Variants in BEND4 observed in about 807,000 individuals in gnomAD.
BEND4 encodes the protein BEN domain-containing protein 4.
Under a neutral mutation model 54.7 loss-of-function variants are expected in BEND4, and 27 were observed. The observed-to-expected ratio is 0.49, with a 90% CI of 0.36 to 0.68. The LOEUF is 0.68. Among genes scored for constraint, BEND4 ranks in the 30% least tolerant of loss-of-function variants. BEND4 has a pLI of 0.00. For synonymous variants in BEND4, 327 were observed against 299.5 expected (o/e 1.09, Z -0.95); for missense variants, 702 against 697.2 (o/e 1.01, Z -0.08).
intron 3 of BEND4, 47 bp from the exon 4 acceptor site, chr4:42,125,721 A>C: frequency 5.6e-6 from 7 of 1,242,918 alleles, no homozygotes; most frequent in Non-Finnish European, 7.9e-6. Flanking sequence ...ATCCCGTAAC[A>C]TGAAAATAAA....
intron 4 of BEND4, 131 bp downstream of exon 4, chr4:42,125,452 A>G: frequency 1.5e-6 from 1 of 664,910 alleles, no homozygotes; most frequent in Non-Finnish European, 2.7e-6. Flanking sequence ...ACATACTTAC[A>G]GGCAACAGAC....
At chr4:42,129,888 A>G (rs991902009) in intron 3 of BEND4, among the ~76,000 whole-genome samples, 4 of 152,246 alleles carry the variant, frequency 2.6e-5, no homozygotes, top group Admixed American at 6.5e-5. Flanking sequence ...TTGCCACAAA[A>G]GCAAAAATTG....
chr4:42,136,206 T>G (rs900388979), intron 3 of BEND4, among the ~76,000 whole-genome samples: 3 of 152,066 alleles, frequency 2.0e-5, no homozygotes, highest in Non-Finnish European at 4.4e-5. Context: ...ATTTTCAAGT[T>G]TGGAGGTTGG....
At chr4:42,144,891 T>C (rs1241550105) in intron 2 of BEND4, among the ~76,000 whole-genome samples, 1 of 152,154 alleles carries the variant, frequency 6.6e-6, no homozygotes, top group Admixed American at 6.5e-5. Flanking sequence ...ACCCCAAATA[T>C]AAATGTCACA....
At chr4:42,119,601 A>C (rs999224896) in intron 5 of BEND4, among the ~76,000 whole-genome samples, 4 of 152,116 alleles carry the variant, frequency 2.6e-5, no homozygotes, top group Admixed American at 6.6e-5. Context: ...GTATTTTAGC[A>C]TTAAGGAGAA....
chr4:42,134,007 CTTCA>C (rs1720603280), intron 3 of BEND4, among the ~76,000 whole-genome samples: 1 of 152,170 alleles, frequency 6.6e-6, no homozygotes, highest in Non-Finnish European at 1.5e-5. Flanking sequence ...CTAGTGAATT[CTTCA>C]TTGAGGCCAC....
intron 2 of BEND4, 79 bp from the exon 3 acceptor site, chr4:42,144,073 C>T (rs1213261500): frequency 3.1e-6 from 3 of 976,762 alleles, no homozygotes; most frequent in Non-Finnish European, 3.2e-6. Flanking sequence ...TTCAGCTTAA[C>T]ATTCAAACAT....
chr4:42,134,561 C>T (rs1577758405), intron 3 of BEND4, among the ~76,000 whole-genome samples: 1 of 152,226 alleles, frequency 6.6e-6, no homozygotes. Context: ...AGAGGGGACA[C>T]AAAGATGACT....
intron 5 of BEND4, among the ~76,000 whole-genome samples, chr4:42,118,591 G>C (rs927141660): frequency 2.0e-5 from 3 of 152,168 alleles, no homozygotes; most frequent in African/African-American, 7.2e-5. Flanking sequence ...AGTTCTCTGG[G>C]ATGTATTTTA....
Position 42,143,819 on chromosome 4 carries a change from G to T in BEND4, c.663C>A (p.Val221=). ...CTACATTGTCTGAGGTCTGACTGTG[G>T]ACCCCTTTCCCAATGTGACAGTGCT... The part of the protein sequence containing the change: ...RQEHCHIGKG[V]HSQTSDNVDI... The change falls in exon 3 of 6, where the codon GTC becomes GTA. Residue 221 remains valine (V), a synonymous_variant. Coordinates refer to ENST00000502486, the MANE Select transcript of BEND4 (RefSeq NM_207406.4). The T allele has an allele frequency of 6.3e-7, 1 of 1,590,596 alleles. No individual in the cohort carries two copies. Among genetic ancestry groups the T allele is most frequent in the Non-Finnish European group, 8.6e-7 (1 of 1,169,052 alleles).
intron 2 of BEND4, 81 bp from the exon 3 acceptor site, chr4:42,144,075 T>TGTTTGAATGTTAAGC: frequency 1.0e-6 from 1 of 954,424 alleles, no homozygotes; most frequent in Non-Finnish European, 1.6e-6. Context: ...CAGCTTAACA[T>TGTTTGAATGTTAAGC]TCAAACATGT....
chr4:42,147,639 A>G (rs1444985099), intron 2 of BEND4, among the ~76,000 whole-genome samples: 1 of 152,124 alleles, frequency 6.6e-6, no homozygotes, highest in Non-Finnish European at 1.5e-5. Context: ...AAAGCCCTCT[A>G]AAATGCCCAC....
rs199617123 is a variant in BEND4, at chr4:42,143,862, C to T, written c.620G>A (p.Ser207Asn). 2.6e-6 allele frequency: 4 copies of T among 1,553,558 alleles called. No individual in the cohort carries two copies. The East Asian group carries it at 9.0e-5, about 35-fold the overall frequency. The change falls in exon 3 of 6, where the codon AGT becomes AAT. Residue 207 changes from serine (S) to asparagine (N), a missense_variant. Physicochemically the swap from Ser to Asn is conservative, Grantham distance 46. Coordinates refer to ENST00000502486, the MANE Select transcript of BEND4 (RefSeq NM_207406.4). ...ACAGTGCTCCTGTCTTTCGTTGTAA[C>T]TTGAGCCTTCCTGCTTTACGCAAGA... ...MISCVKQEGS[S>N]YNERQEHCHI...
chr4:42,131,791 T>C (rs1720516239), intron 3 of BEND4, among the ~76,000 whole-genome samples: 2 of 151,268 alleles, frequency 1.3e-5, no homozygotes, highest in Non-Finnish European at 3.0e-5. Context: ...TGGTCAATTG[T>C]TAAAAAAAAA....
chr4:42,146,812 G>A (rs1232215635), intron 2 of BEND4, among the ~76,000 whole-genome samples: 1 of 152,166 alleles, frequency 6.6e-6, no homozygotes, highest in Non-Finnish European at 1.5e-5. Context: ...AAATATGAAA[G>A]TCTAAAACAG....
At chr4:42,127,072 C>T (rs553535959) in intron 3 of BEND4, among the ~76,000 whole-genome samples, 6 of 152,226 alleles carry the variant, frequency 3.9e-5, no homozygotes, top group African/African-American at 1.2e-4. Context: ...GTGTTTCTCA[C>T]CCATTTTTTT....
chr4:42,151,539 G>T (rs1241874395), intron 2 of BEND4, 118 bp downstream of exon 2: 9 of 1,095,720 alleles, frequency 8.2e-6, no homozygotes, highest in Non-Finnish European at 1.1e-5. Flanking sequence ...GGTGCGCCCC[G>T]ACATCCCGAC....
At chr4:42,131,969 G>A (rs1720522509) in intron 3 of BEND4, among the ~76,000 whole-genome samples, 1 of 152,052 alleles carries the variant, frequency 6.6e-6, no homozygotes, top group Non-Finnish European at 1.5e-5. Flanking sequence ...CTGGATAGAT[G>A]CCTAGATTTA....
In BEND4 at chr4:42,143,453, G is replaced by C; in HGVS notation, c.1029C>G (p.Leu343=). 6.4e-7 allele frequency: 1 copy of C among 1,552,042 alleles called. No homozygotes were observed. Among genetic ancestry groups the C allele is most frequent in the South Asian group, 1.2e-5 (1 of 84,060 alleles). The change falls in exon 3 of 6, where the codon CTC becomes CTG. Residue 343 remains leucine (L), a synonymous_variant. Coordinates refer to ENST00000502486, the MANE Select transcript of BEND4 (RefSeq NM_207406.4). ...VISLQQENEE[L]RRKLESIPVP... ...CTGGGATGCTCTCTAATTTCCTTCT[G>C]AGCTCTTCATTTTCTTGTTGCAGTG...
Sources: allele counts gnomAD v4.1 joint callset (sites outside exome capture counted in the v4.1 genomes callset), GRCh38; gene constraint gnomAD v4.1.1; transcripts MANE v1.5; gene names NCBI Gene and HGNC (gene_info 2026-07-23, HGNC 2026-07-21).